The following PRKACB variants were observed in gnomAD, a reference collection of about 807,000 sequenced individuals.
PRKACB encodes cAMP-dependent protein kinase catalytic subunit beta.
Under a neutral mutation model 51.4 loss-of-function variants are expected in PRKACB, and 16 were observed. The ratio of observed to expected loss-of-function variants is 0.31; its 90% confidence interval spans 0.21 to 0.47. The LOEUF is 0.47. PRKACB is among the 20% of genes least tolerant of loss of function. The probability of loss-of-function intolerance (pLI) is 1.00; values close to 1 mark genes in which losing one functional copy is unlikely to be tolerated. For missense variants in PRKACB, 309 were observed against 464.5 expected (o/e 0.67, Z 3.08); for synonymous variants, 147 against 154.4 (o/e 0.95, Z 0.35).
chr1:84,181,854 T>G, intron 2 of PRKACB: 1 of 632,040 alleles, frequency 1.6e-6, no homozygotes. Flanking sequence ...TTGTAATTAT[T>G]AAAATATGAA....
chr1:84,116,895 A>G (rs1318082327), intron 1 of PRKACB, among the ~76,000 whole-genome samples: 3 of 151,956 alleles, frequency 2.0e-5, no homozygotes, highest in African/African-American at 4.8e-5. Flanking sequence ...GTCTTGTTCT[A>G]TTTCTTAGAG....
chr1:84,162,939 AT>A (rs1199253377), intron 1 of PRKACB, among the ~76,000 whole-genome samples: 1 of 151,640 alleles, frequency 6.6e-6, no homozygotes, highest in East Asian at 1.9e-4. Flanking sequence ...GGTTTTGTTT[AT>A]TTTTTTATTA....
At chr1:84,093,275 C>G (rs1466565930) in intron 1 of PRKACB, among the ~76,000 whole-genome samples, 2 of 151,396 alleles carry the variant, frequency 1.3e-5, no homozygotes, top group South Asian at 4.2e-4. Context: ...GTGCATCTCT[C>G]TCTCTCTCTC....
intron 1 of PRKACB, among the ~76,000 whole-genome samples, chr1:84,134,830 C>T (rs1402694): frequency 0.47 from 71,897 of 151,962 alleles, 17,739 homozygotes; most frequent in Non-Finnish European, 0.56. Flanking sequence ...AGCAAGACTT[C>T]CTCCCATCTC....
At chr1:84,161,204 A>G (rs1656148274) in intron 1 of PRKACB, among the ~76,000 whole-genome samples, 1 of 151,798 alleles carries the variant, frequency 6.6e-6, no homozygotes, top group Non-Finnish European at 1.5e-5. Context: ...TTGGCCTTTT[A>G]TAATTATGAA....
chr1:84,228,210 T>G (rs1210902677), intron 9 of PRKACB, among the ~76,000 whole-genome samples: 2 of 152,242 alleles, frequency 1.3e-5, no homozygotes, highest in African/African-American at 4.8e-5. Context: ...AATAGTATAG[T>G]CATACATCTA....
intron 1 of PRKACB, among the ~76,000 whole-genome samples, chr1:84,170,078 A>G (rs1658921460): frequency 6.6e-6 from 1 of 151,680 alleles, no homozygotes; most frequent in African/African-American, 2.4e-5. Context: ...TTAAAATTAA[A>G]TAAATTCCCA....
At chr1:84,126,248 G>C (rs1651596184) in intron 1 of PRKACB, among the ~76,000 whole-genome samples, 1 of 152,190 alleles carries the variant, frequency 6.6e-6, no homozygotes, top group Non-Finnish European at 1.5e-5. Context: ...CCGAGTACTT[G>C]TCTGGCATCC....
chr1:84,176,717 T>C (rs1054066151), intron 1 of PRKACB, among the ~76,000 whole-genome samples: 8 of 151,836 alleles, frequency 5.3e-5, no homozygotes, highest in Non-Finnish European at 1.2e-4. Context: ...TTTGAAGTAA[T>C]TCACAAAATA....
intron 9 of PRKACB, among the ~76,000 whole-genome samples, chr1:84,222,906 A>G (rs971932309): frequency 5.9e-5 from 9 of 152,196 alleles, no homozygotes; most frequent in Admixed American, 4.6e-4. Context: ...GTTCCCTTAT[A>G]TGTGACTTGA....
intron 1 of PRKACB, among the ~76,000 whole-genome samples, chr1:84,151,617 C>A (rs1239322086): frequency 1.3e-5 from 2 of 152,168 alleles, no homozygotes; most frequent in Non-Finnish European, 2.9e-5. Context: ...ATTCTAAATT[C>A]TCAGGTGTCA....
At position 84,196,598 on chromosome 1, in the gene PRKACB, G is replaced by C; in HGVS notation, c.561-18G>C. ...TAACTCATTTTTACAGAAAATCAAT[G>C]GTTTTATTTCTTTGCAGTGAGCCCC... is the stretch of plus-strand genomic sequence containing the variant. On this transcript the variant is annotated intron_variant, in intron 5 of 9. Coordinates refer to ENST00000370685, the MANE Select transcript of PRKACB (RefSeq NM_182948.4). 2.5e-6 allele frequency: 4 copies of C among 1,597,418 alleles called. No individual in the cohort carries two copies. The highest frequency in any genetic ancestry group is 3.4e-6 in the Non-Finnish European group (4 of 1,173,308).
At chr1:84,234,583 C>T (rs900416641) in intron 9 of PRKACB, among the ~76,000 whole-genome samples, 2 of 152,230 alleles carry the variant, frequency 1.3e-5, no homozygotes, top group African/African-American at 2.4e-5. Flanking sequence ...GGGCGTAGGT[C>T]CCTCCAAGCC....
intron 8 of PRKACB, among the ~76,000 whole-genome samples, chr1:84,212,788 A>G (rs935126714): frequency 4.6e-5 from 7 of 152,182 alleles, no homozygotes; most frequent in African/African-American, 1.7e-4. Context: ...AGTGCCTGGC[A>G]TATAGTAGGT....
At chr1:84,191,527 G>C (rs941455657) in intron 5 of PRKACB, among the ~76,000 whole-genome samples, 8 of 152,084 alleles carry the variant, frequency 5.3e-5, no homozygotes, top group Non-Finnish European at 1.2e-4. Flanking sequence ...GTCCTTTGCA[G>C]CAACATAGAA....
intron 8 of PRKACB, chr1:84,205,117 C>G (rs976270552): frequency 1.0e-6 from 1 of 981,200 alleles, no homozygotes; most frequent in African/African-American, 1.7e-5. Flanking sequence ...TGTTTTTTAA[C>G]TAAAAGTACC....
intron 1 of PRKACB, among the ~76,000 whole-genome samples, chr1:84,095,643 A>G (rs1648871307): frequency 6.6e-6 from 1 of 151,760 alleles, no homozygotes; most frequent in African/African-American, 2.4e-5. Flanking sequence ...TCTGTTTGCA[A>G]CTTTTTAGAA....
chr1:84,093,108 A>G (rs1421425629), intron 1 of PRKACB, among the ~76,000 whole-genome samples: 1 of 152,032 alleles, frequency 6.6e-6, no homozygotes, highest in African/African-American at 2.4e-5. Flanking sequence ...ATAATTTACA[A>G]ATCATTTCCT....
chr1:84,204,791 C>T, intron 8 of PRKACB: 10 of 898,618 alleles, frequency 1.1e-5, no homozygotes, highest in Non-Finnish European at 1.4e-5. Context: ...AACAAGGATA[C>T]TGTCATAACT....
Sources: allele counts gnomAD v4.1 joint callset (sites outside exome capture counted in the v4.1 genomes callset), GRCh38; gene constraint gnomAD v4.1.1; transcripts MANE v1.5; gene names NCBI Gene and HGNC (gene_info 2026-07-23, HGNC 2026-07-21).